PACRG: variants seen among roughly 807,000 people sequenced by gnomAD.
The protein encoded by PACRG is parkin coregulated, also known as parkin coregulated gene protein.
A neutral mutation model predicts 29.7 loss-of-function variants in PACRG; 29 were observed. That is an observed-to-expected ratio of 0.98 (90% CI 0.73 to 1.33). The LOEUF is 1.33. Among genes scored for constraint, PACRG ranks in the 40% most tolerant of loss-of-function variants. The probability of loss-of-function intolerance (pLI) is 0.00; values close to 1 mark genes in which losing one functional copy is unlikely to be tolerated. For missense variants in PACRG, 279 were observed against 316.2 expected (o/e 0.88, Z 0.89); for synonymous variants, 116 against 118.7 (o/e 0.98, Z 0.15).
In PACRG at chr6:163,212,847, C is replaced by T. The variant is rs559405156; in HGVS notation, c.614-101980C>T. The stretch of plus-strand genomic sequence containing the variant: ...AGGCTGGATTGCAGTGGCACGATCT[C>T]GGCTCACTGCAAGCTATGCCTCCCA... On this transcript the variant is annotated intron_variant, in intron 4 of 4. Transcript: ENST00000366888. Among the ~76,000 whole-genome samples, 389 of 151,272 alleles carry T rather than the reference C, an allele frequency of 2.6e-3. 1 individual carries two copies. Among genetic ancestry groups the T allele is most frequent in the Middle Eastern group, 6.9e-3 (2 of 290 alleles).
Position 162,760,832 on chromosome 6 carries a change from C to G in PACRG, c.156+32441C>G, listed in dbSNP as rs201321106. ...CTCCAGATACTCCGCCCAGAGTATA[C>G]CATTGTGCTCTGTGGTGAAACAGGG... On this transcript the variant is annotated intron_variant, in intron 1 of 4. Coordinates refer to ENST00000366888, the MANE Select transcript of PACRG (RefSeq NM_001080379.2). Among the ~76,000 whole-genome samples, 16 of 152,168 alleles carry G rather than the reference C, an allele frequency of 1.1e-4. No homozygotes were observed. In the East Asian group the frequency reaches 2.3e-3, roughly 22 times the overall value.
chr6:163,079,314 C>G (rs1176477193), intron 3 of PACRG, among the ~76,000 whole-genome samples: 1 of 150,866 alleles, frequency 6.6e-6, no homozygotes, highest in Non-Finnish European at 1.5e-5. Context: ...TGGACTCGAT[C>G]AAATATAGAT....
Position 163,116,025 on chromosome 6 carries a change from A to C in PACRG, c.613+26617A>C, listed in dbSNP as rs150676125. Among the ~76,000 whole-genome samples the C allele has an allele frequency of 4.2e-3, 638 of 152,284 alleles. 5 individuals are homozygous for C. Among genetic ancestry groups the C allele is most frequent in the African/African-American group, 0.014 (592 of 41,536 alleles). ...CCCTCCCAAGCTGAGATATAGTTAC[A>C]CTTCTAGAGGACAGGGAAACTTCCT... On this transcript the variant is annotated intron_variant, in intron 4 of 4. Coordinates refer to ENST00000366888, the MANE Select transcript of PACRG (RefSeq NM_001080379.2).
At chr6:162,731,489 T>C (rs1406856702) in intron 1 of PACRG, among the ~76,000 whole-genome samples, 1 of 152,130 alleles carries the variant, frequency 6.6e-6, no homozygotes, top group African/African-American at 2.4e-5. Flanking sequence ...AATATAGACA[T>C]GATTTAAAGT....
chr6:163,122,083 G>C (rs1046480576), intron 4 of PACRG, among the ~76,000 whole-genome samples: 3 of 152,100 alleles, frequency 2.0e-5, no homozygotes, highest in African/African-American at 2.4e-5. Flanking sequence ...TGGTGATTTT[G>C]ATACTATTAG....
intron 4 of PACRG, among the ~76,000 whole-genome samples, chr6:163,292,604 T>TTATTTATTTATTTGTC: frequency 6.6e-6 from 1 of 151,888 alleles, no homozygotes; most frequent in East Asian, 1.9e-4. Context: ...ATTTATTTAT[T>TTATTTATTTATTTGTC]AGTAGAGATA....
intron 1 of PACRG, among the ~76,000 whole-genome samples, chr6:162,798,456 C>T (rs1785567160): frequency 6.6e-6 from 1 of 152,170 alleles, no homozygotes; most frequent in Non-Finnish European, 1.5e-5. Context: ...TCTCCTTCCT[C>T]CCACATAGCT....
intron 1 of PACRG, among the ~76,000 whole-genome samples, chr6:162,760,999 G>A (rs1004990751): frequency 1.3e-5 from 2 of 152,146 alleles, no homozygotes; most frequent in African/African-American, 2.4e-5. Flanking sequence ...TGGCTTGGCC[G>A]GGCAGGGTCT....
chr6:162,753,918 A>G (rs759699070), intron 1 of PACRG, among the ~76,000 whole-genome samples: 38 of 152,192 alleles, frequency 2.5e-4, no homozygotes, highest in Non-Finnish European at 5.1e-4. Flanking sequence ...AAAATAGACT[A>G]CTACAGTGAA....
intron 1 of PACRG, among the ~76,000 whole-genome samples, chr6:162,760,652 G>A (rs931254455): frequency 1.3e-5 from 2 of 152,198 alleles, no homozygotes; most frequent in African/African-American, 4.8e-5. Flanking sequence ...GCCAGGTAGA[G>A]CTGAGATGGT....
intron 3 of PACRG, among the ~76,000 whole-genome samples, chr6:163,065,466 A>C (rs1811454348): frequency 6.6e-6 from 1 of 152,286 alleles, no homozygotes; most frequent in East Asian, 1.9e-4. Flanking sequence ...CTTCCAAAAC[A>C]GCGGTCAAGA....
At chr6:162,862,707 C>T (rs1562674833) in intron 2 of PACRG, among the ~76,000 whole-genome samples, 1 of 152,148 alleles carries the variant, frequency 6.6e-6, no homozygotes. Context: ...ATCCATAACA[C>T]GATGCTGTAA....
At chr6:163,156,480 G>A (rs1011078984) in intron 4 of PACRG, among the ~76,000 whole-genome samples, 7 of 151,932 alleles carry the variant, frequency 4.6e-5, no homozygotes, top group Admixed American at 2.6e-4. Context: ...CGACCGCCAC[G>A]CCCCATGACT....
At chr6:163,235,947 G>T (rs13193398) in intron 4 of PACRG, among the ~76,000 whole-genome samples, 1 of 151,702 alleles carries the variant, frequency 6.6e-6, no homozygotes, top group Admixed American at 6.6e-5. Context: ...TTTTTTGTTT[G>T]TTTTTGTTTT....
At chr6:162,962,926 T>G (rs193200840) in intron 2 of PACRG, among the ~76,000 whole-genome samples, 1 of 152,264 alleles carries the variant, frequency 6.6e-6, no homozygotes, top group East Asian at 1.9e-4. Context: ...TTGACTTGGA[T>G]CTTGTGTTCT....
chr6:162,945,283 C>G (rs1415588120), intron 2 of PACRG, among the ~76,000 whole-genome samples: 1 of 151,922 alleles, frequency 6.6e-6, no homozygotes, highest in Non-Finnish European at 1.5e-5. Flanking sequence ...CCTGTAAAGA[C>G]ACATATAGAC....
chr6:163,031,959 T>C (rs1807708122), intron 2 of PACRG, among the ~76,000 whole-genome samples: 1 of 152,244 alleles, frequency 6.6e-6, no homozygotes, highest in African/African-American at 2.4e-5. Flanking sequence ...TGCAAACTAT[T>C]CCAGTCAAAG....
chr6:162,780,555 A>G (rs1784020587), intron 1 of PACRG, among the ~76,000 whole-genome samples: 1 of 152,204 alleles, frequency 6.6e-6, no homozygotes, highest in African/African-American at 2.4e-5. Context: ...AAATAAATAC[A>G]GCCTAAAATA....
At chr6:163,226,426 G>A (rs1781800412) in intron 4 of PACRG, among the ~76,000 whole-genome samples, 1 of 152,230 alleles carries the variant, frequency 6.6e-6, no homozygotes, top group Admixed American at 6.5e-5. Flanking sequence ...ATCCCACAGG[G>A]TATGGCGTAC....
Sources: allele counts gnomAD v4.1 joint callset (sites outside exome capture counted in the v4.1 genomes callset), GRCh38; gene constraint gnomAD v4.1.1; transcripts MANE v1.5; gene names NCBI Gene and HGNC (gene_info 2026-07-23, HGNC 2026-07-21).